SF3A1: variants seen among roughly 807,000 people sequenced by gnomAD.
The protein encoded by SF3A1 is splicing factor 3a subunit 1.
A neutral mutation model predicts 89.9 loss-of-function variants in SF3A1; 13 were observed. The ratio of observed to expected loss-of-function variants is 0.14; its 90% confidence interval spans 0.09 to 0.23. The LOEUF is 0.23. Among genes scored for constraint, SF3A1 ranks in the 10% least tolerant of loss-of-function variants. The pLI, the probability that SF3A1 is intolerant of heterozygous loss-of-function variation, is 1.00. For synonymous variants in SF3A1, 405 were observed against 374.4 expected, an observed-to-expected ratio of 1.08 and a Z score of -0.94; for missense variants, 604 against 1,022.1, an observed-to-expected ratio of 0.59 and a Z score of 5.58.
intron 2 of SF3A1, among the ~76,000 whole-genome samples, chr22:30,349,772 T>C (rs1022712486): frequency 5.9e-5 from 9 of 151,364 alleles, no homozygotes; most frequent in Non-Finnish European, 1.0e-4. Context: ...TCCTCCCAAG[T>C]GGCTAGAAAT....
chr22:30,337,854 A>C lies in SF3A1; in HGVS notation c.1787T>G (p.Val596Gly). The C allele has an allele frequency of 6.2e-7, 1 of 1,609,220 alleles. No individual in the cohort carries two copies. Among genetic ancestry groups the C allele is most frequent in the African/African-American group, 1.3e-5 (1 of 75,004 alleles). ...VRTTVVSAVP[V>G]MPRPPMASVV... is the part of the protein sequence containing the mutation. Reference sequence around the variant, plus strand: ...AGATGCCATTGGGGGCCGGGGCATGACGGGTACTGCGGAGACAACTGTAGT... The same window carrying C: ...AGATGCCATTGGGGGCCGGGGCATGCCGGGTACTGCGGAGACAACTGTAGT... The change falls in exon 12 of 16, where the codon GTC (valine) becomes GGC (glycine). Residue 596 changes from valine to glycine, a missense_variant. Physicochemically the swap from Val to Gly is moderately radical, Grantham distance 109 (BLOSUM62 -3). Coordinates refer to ENST00000215793, the MANE Select transcript of SF3A1 (RefSeq NM_005877.6).
chr22:30,344,886 T>C lies in SF3A1; in HGVS notation c.651+47A>G. 4 of 1,594,220 alleles carry C rather than the reference T, an allele frequency of 2.5e-6. No individual in the cohort carries two copies. The African/African-American group carries it at 5.4e-5, about 21-fold the overall frequency. On this transcript the variant is annotated intron_variant, in intron 4 of 15. Transcript: ENST00000215793. The stretch of plus-strand genomic sequence containing the variant: ...ACACAGTGCTTCCAAGCATAAGATG[T>C]TTTCCTTTCCTGGGCCCAGGACCCC...
In SF3A1 at chr22:30,345,677, G is replaced by A. The variant is rs373436414; in HGVS notation, c.394-487C>T. On this transcript the variant is annotated intron_variant, in intron 3 of 15. Transcript: ENST00000215793. ...CTGAGGTCCTAGGCCTCATTGCAAC[G>A]CAAGGTCTTAGAACCTGACTTCAAC... 3.3e-5 allele frequency among the ~76,000 whole-genome samples: 5 copies of A among 152,306 alleles called. No individual in the cohort carries two copies. The East Asian group carries it at 5.8e-4, about 18-fold the overall frequency.
At chr22:30,342,058 G>T in intron 6 of SF3A1, 142 bp downstream of exon 6, 1 of 1,202,810 alleles carries the variant, frequency 8.3e-7, no homozygotes, top group Non-Finnish European at 1.2e-6. Flanking sequence ...TGGTAGAACT[G>T]AAGTCTTTTG....
chr22:30,342,317 C>G lies in SF3A1; in HGVS notation c.760G>C (p.Glu254Gln). The stretch of plus-strand genomic sequence containing the variant: ...TCTTCTTCCTTCTTCCTCTCACGTT[C>G]CTGGAATTTGGCCCATTCCACTCGG... ...CYRVEWAKFQ[E>Q]RERKKEEEEK... The change falls in exon 6 of 16, where the codon GAA becomes CAA. Residue 254 changes from glutamate (E) to glutamine (Q), a missense_variant. Around this residue, in one of 9 missense-constraint regions of SF3A1, gnomAD observed 162 missense variants for 229.2 expected, o/e 0.71. Transcript: ENST00000215793. The G allele has an allele frequency of 1.2e-6, 2 of 1,613,368 alleles. No individual in the cohort carries two copies. Among genetic ancestry groups the G allele is most frequent in the Non-Finnish European group, 1.7e-6 (2 of 1,179,658 alleles).
chr22:30,344,636 G>C (rs941839381), intron 4 of SF3A1, among the ~76,000 whole-genome samples: 7 of 152,234 alleles, frequency 4.6e-5, no homozygotes, highest in African/African-American at 1.7e-4. Context: ...ACTGAAAACG[G>C]AAATGCACTT....
In SF3A1 at chr22:30,340,775, G is replaced by A; in HGVS notation, c.1109C>T (p.Pro370Leu). The A allele has an allele frequency of 6.3e-7, 1 of 1,594,456 alleles. No homozygotes were observed. The highest frequency in any genetic ancestry group is 8.5e-7 in the Non-Finnish European group (1 of 1,171,180). ...TGGAGGCATGGGTGTCTCTGGGGGT[G>A]GGGGCACTTTCTGCCCTTCTTCTTC... is the stretch of plus-strand genomic sequence containing the variant. ...DDEEEGQKVPPPPETPMPPPL... is the reference protein window; with the variant it reads ...DDEEEGQKVPLPPETPMPPPL... The change falls in exon 8 of 16, where the codon CCA becomes CTA. Residue 370 changes from proline (P) to leucine (L), a missense_variant. Pro to Leu is a moderately conservative substitution (Grantham distance 98). Around this residue, in one of 9 missense-constraint regions of SF3A1, gnomAD observed 146 missense variants for 228.5 expected, o/e 0.64. Transcript: ENST00000215793.
At chr22:30,356,336 A>T (rs1479401579) in intron 1 of SF3A1, among the ~76,000 whole-genome samples, 1 of 152,252 alleles carries the variant, frequency 6.6e-6, no homozygotes, top group East Asian at 1.9e-4. Context: ...CTGGGAAATT[A>T]GCCATTACTG....
chr22:30,350,295 CAAAAAAACT>C (rs1931546553), intron 2 of SF3A1, among the ~76,000 whole-genome samples: 1 of 117,878 alleles, frequency 8.5e-6, no homozygotes, highest in African/African-American at 2.9e-5. Flanking sequence ...CCCATCTATA[CAAAAAAACT>C]AAAAAAAATA....
chr22:30,356,610 G>C (rs1333254061), intron 1 of SF3A1, 120 bp downstream of exon 1: 2 of 738,374 alleles, frequency 2.7e-6, no homozygotes, highest in Non-Finnish European at 3.9e-6. Context: ...GAAGCGCGCA[G>C]CCTCTTGGGA....
At chr22:30,346,112 T>C in intron 3 of SF3A1, 200 bp downstream of exon 3, 1 of 585,012 alleles carries the variant, frequency 1.7e-6, no homozygotes, top group Non-Finnish European at 3.1e-6. Context: ...AGCACAGAGC[T>C]TGACAAGCAG....
In SF3A1 at chr22:30,341,747, G is replaced by A. The variant is rs147101204; in HGVS notation, c.1016C>T (p.Ala339Val). 600 of 1,614,040 alleles carry A rather than the reference G, an allele frequency of 3.7e-4. 5 individuals carry two copies. The highest frequency in any genetic ancestry group is 2.3e-3 in the Middle Eastern group (14 of 6,062). ...GTCCAGCTGGGAAGGAGGCTCCTCCGCCTTCTCCTGTTTGTCATCCTCCTC... is the reference window on the plus strand; with the variant it reads ...GTCCAGCTGGGAAGGAGGCTCCTCCACCTTCTCCTGTTTGTCATCCTCCTC... ...SDEEDDKQEK[A>V]EEPPSQLDQD... The change falls in exon 7 of 16, where the codon GCG (alanine) becomes GTG (valine). Residue 339 changes from alanine to valine, a missense_variant. Coordinates refer to ENST00000215793, the MANE Select transcript of SF3A1 (RefSeq NM_005877.6).
chr22:30,338,112 GCGGGTCAAACTC>G (rs1931132372), intron 11 of SF3A1, among the ~76,000 whole-genome samples: 1 of 152,134 alleles, frequency 6.6e-6, no homozygotes, highest in Non-Finnish European at 1.5e-5. Context: ...TTGGGACTTG[GCGGGTCAAACTC>G]GACCTGCTAC....
chr22:30,356,891 T>C lies in SF3A1; in HGVS notation c.-99A>G. On this transcript the variant is annotated 5_prime_UTR_variant, in exon 1 of 16. Transcript: ENST00000215793. ...CGGTCAGTACGACGAGCTCGCAAGA[T>C]GGCGGCGGCCGAGCGAGTTGCGGCC... is the stretch of plus-strand genomic sequence containing the variant. The C allele has an allele frequency of 2.8e-6, 3 of 1,086,726 alleles. No homozygotes were observed. The highest frequency in any genetic ancestry group is 3.5e-6 in the Non-Finnish European group (3 of 848,870). 67.3% of individuals were successfully genotyped at this position (1,086,726 alleles called of 1,614,324 possible). A position where few individuals can be genotyped will look rare whatever the true frequency, so the allele number is the denominator to read the frequency against.
chr22:30,345,232 A>T (rs1215002558), intron 3 of SF3A1, 42 bp from the exon 4 acceptor site: 1 of 1,585,180 alleles, frequency 6.3e-7, no homozygotes, highest in Non-Finnish European at 8.6e-7. Context: ...CACAGGGGTG[A>T]ACAGGCTCCA....
chr22:30,353,989 C>A, intron 1 of SF3A1, among the ~76,000 whole-genome samples: 1 of 152,226 alleles, frequency 6.6e-6, no homozygotes, highest in East Asian at 1.9e-4. Context: ...GGGAAACTAT[C>A]TGCTGACAAA....
At chr22:30,335,414 G>A (rs1931034349) in intron 15 of SF3A1, 53 bp downstream of exon 15, 3 of 1,469,704 alleles carry the variant, frequency 2.0e-6, no homozygotes, top group Admixed American at 1.7e-5. Context: ...TAGCTTCTGT[G>A]AAAGCAGAGG....
intron 15 of SF3A1, 83 bp from the exon 16 acceptor site, chr22:30,334,778 T>G (rs1046289307): frequency 4.2e-6 from 4 of 959,300 alleles, no homozygotes; most frequent in Non-Finnish European, 6.4e-6. Flanking sequence ...GCACTTGGTC[T>G]GTTTGCGCTC....
At chr22:30,354,456 C>G (rs1931696857) in intron 1 of SF3A1, among the ~76,000 whole-genome samples, 1 of 152,176 alleles carries the variant, frequency 6.6e-6, no homozygotes, top group Non-Finnish European at 1.5e-5. Flanking sequence ...CCATTCCATT[C>G]AAGTTTCCTT....
Sources: allele counts gnomAD v4.1 joint callset (sites outside exome capture counted in the v4.1 genomes callset), GRCh38; gene constraint gnomAD v4.1.1; regional missense constraint gnomAD v4.1.1; transcripts MANE v1.5; gene names NCBI Gene and HGNC (gene_info 2026-07-23, HGNC 2026-07-21).